Variants in BRINP3 observed in about 807,000 individuals in gnomAD.
The protein encoded by BRINP3 is BMP/retinoic acid inducible neural specific 3.
BRINP3 carries 19 observed loss-of-function variants against 71.0 expected under a neutral mutation model. The observed-to-expected ratio is 0.27, with a 90% CI of 0.19 to 0.39. BRINP3 has a LOEUF of 0.39. Ranked by LOEUF, BRINP3 falls within the 10% of genes least tolerant of loss-of-function variation. The pLI, the probability that BRINP3 is intolerant of heterozygous loss-of-function variation, is 1.00. For synonymous variants in BRINP3, 380 were observed against 337.7 expected (o/e 1.13, Z -1.37); for missense variants, 959 against 940.8 (o/e 1.02, Z -0.25).
intron 6 of BRINP3, among the ~76,000 whole-genome samples, chr1:190,168,559 G>A (rs1005330671): frequency 1.3e-5 from 2 of 152,148 alleles, no homozygotes; most frequent in Non-Finnish European, 2.9e-5. Context: ...GTAAAAAATT[G>A]TAATGGAAGA....
chr1:190,315,113 A>G (rs1205726374), intron 2 of BRINP3, among the ~76,000 whole-genome samples: 1 of 152,146 alleles, frequency 6.6e-6, no homozygotes, highest in Non-Finnish European at 1.5e-5. Context: ...TGAGTTGCCT[A>G]TGAAGAAAGT....
chr1:190,313,392 G>C (rs542536038), intron 2 of BRINP3, among the ~76,000 whole-genome samples: 140 of 152,088 alleles, frequency 9.2e-4, no homozygotes, highest in Middle Eastern at 3.4e-3. Flanking sequence ...CAGCGTGAAG[G>C]GTGGTGGGGC....
chr1:190,169,600 T>C (rs541030423), intron 6 of BRINP3, among the ~76,000 whole-genome samples: 5 of 152,284 alleles, frequency 3.3e-5, no homozygotes. Flanking sequence ...GCAATTATAA[T>C]TTGTAGTTCA....
chr1:190,125,486 C>G (rs774930080), intron 7 of BRINP3, among the ~76,000 whole-genome samples: 5 of 151,738 alleles, frequency 3.3e-5, no homozygotes, highest in African/African-American at 1.2e-4. Flanking sequence ...TATTAACATG[C>G]AAACTTTTTT....
intron 6 of BRINP3, among the ~76,000 whole-genome samples, chr1:190,192,644 C>T (rs1407404120): frequency 1.3e-5 from 2 of 151,542 alleles, no homozygotes; most frequent in African/African-American, 4.8e-5. Context: ...TCTCTATGAC[C>T]CTCAAAAACA....
intron 6 of BRINP3, among the ~76,000 whole-genome samples, chr1:190,205,460 T>A (rs1161950337): frequency 6.6e-6 from 1 of 152,098 alleles, no homozygotes; most frequent in East Asian, 1.9e-4. Context: ...TTAAAACTCA[T>A]GATCTCCTGA....
chr1:190,136,859 A>G (rs1020361891), intron 7 of BRINP3, among the ~76,000 whole-genome samples: 1 of 152,084 alleles, frequency 6.6e-6, no homozygotes, highest in Admixed American at 6.6e-5. Flanking sequence ...CACTTACTAC[A>G]TAACAGATAT....
intron 1 of BRINP3, among the ~76,000 whole-genome samples, chr1:190,473,644 A>C (rs147779680): frequency 0.015 from 2,318 of 150,886 alleles, 59 homozygotes; most frequent in African/African-American, 0.052. Context: ...AGCTTATTTG[A>C]GTATTCAGAA....
chr1:190,179,215 G>T (rs1056853427), intron 6 of BRINP3, among the ~76,000 whole-genome samples: 1 of 152,052 alleles, frequency 6.6e-6, no homozygotes, highest in Non-Finnish European at 1.5e-5. Context: ...TTAGCTAGTG[G>T]CTTTCTGGAG....
intron 3 of BRINP3, among the ~76,000 whole-genome samples, chr1:190,280,141 T>C (rs924937986): frequency 6.6e-6 from 1 of 151,872 alleles, no homozygotes; most frequent in East Asian, 1.9e-4. Context: ...CATGAAATAG[T>C]AGAGAACAAT....
intron 7 of BRINP3, among the ~76,000 whole-genome samples, chr1:190,149,256 C>T (rs142356479): frequency 2.0e-4 from 31 of 152,282 alleles, no homozygotes; most frequent in Admixed American, 6.5e-4. Context: ...GGCTCTTCAT[C>T]AAGAGATATT....
At chr1:190,281,032 T>C (rs1662997461) in intron 3 of BRINP3, among the ~76,000 whole-genome samples, 1 of 151,922 alleles carries the variant, frequency 6.6e-6, no homozygotes. Flanking sequence ...AATGTATACA[T>C]TTACATATAC....
chr1:190,216,233 T>A (rs1656406948), intron 6 of BRINP3, among the ~76,000 whole-genome samples: 1 of 151,782 alleles, frequency 6.6e-6, no homozygotes, highest in Non-Finnish European at 1.5e-5. Context: ...ATTGTCTAAG[T>A]AATGTCCAAC....
At chr1:190,376,424 G>C (rs1670184755) in intron 2 of BRINP3, among the ~76,000 whole-genome samples, 2 of 151,970 alleles carry the variant, frequency 1.3e-5, no homozygotes, top group African/African-American at 4.8e-5. Flanking sequence ...GCTATCATCT[G>C]TCTGCCTACT....
At chr1:190,414,944 G>C (rs1234958600) in intron 2 of BRINP3, among the ~76,000 whole-genome samples, 1 of 152,130 alleles carries the variant, frequency 6.6e-6, no homozygotes, top group Non-Finnish European at 1.5e-5. Context: ...TGAGACTAAA[G>C]ACAGACTCGG....
chr1:190,144,187 C>T (rs1038723208), intron 7 of BRINP3, among the ~76,000 whole-genome samples: 11 of 152,084 alleles, frequency 7.2e-5, no homozygotes, highest in Non-Finnish European at 1.2e-4. Flanking sequence ...ATGCAACCCC[C>T]TCCCCCTTTT....
At chr1:190,321,991 A>C (rs1666276277) in intron 2 of BRINP3, among the ~76,000 whole-genome samples, 1 of 152,004 alleles carries the variant, frequency 6.6e-6, no homozygotes, top group African/African-American at 2.4e-5. Context: ...AACTATTGAA[A>C]TATATATAAG....
intron 6 of BRINP3, among the ~76,000 whole-genome samples, chr1:190,208,642 A>G (rs12057916): frequency 0.6 from 90,711 of 151,804 alleles, 27,324 homozygotes; most frequent in Admixed American, 0.7. Context: ...CTACAGGCAC[A>G]CACCACCATG....
At chr1:190,235,275 G>A (rs553609429) in intron 4 of BRINP3, among the ~76,000 whole-genome samples, 6 of 152,034 alleles carry the variant, frequency 3.9e-5, no homozygotes, top group Non-Finnish European at 8.8e-5. Flanking sequence ...TTTCATGGAT[G>A]TCTTGGGATG....
Sources: gnomAD v4.1 joint callset for allele counts (sites outside exome capture counted in the v4.1 genomes callset) on GRCh38, gnomAD v4.1.1 for gene constraint, MANE v1.5 for transcripts, NCBI Gene and HGNC (gene_info 2026-07-23, HGNC 2026-07-21) for gene names.